WNK2: variants seen among roughly 807,000 people sequenced by gnomAD.
The protein encoded by WNK2 is WNK lysine deficient protein kinase 2.
WNK2 carries 67 observed loss-of-function variants against 192.1 expected under a neutral mutation model. The observed-to-expected ratio is 0.35, with a 90% CI of 0.29 to 0.43. The LOEUF (loss-of-function observed/expected upper bound fraction) is 0.43, where lower values mean the gene tolerates loss of function less well. WNK2 is among the 20% of genes least tolerant of loss of function. The pLI is 1.00. For synonymous variants in WNK2, 1,439 were observed against 1,393.9 expected, an observed-to-expected ratio of 1.03 and a Z score of -0.72; for missense variants, 2,698 against 3,089.7, an observed-to-expected ratio of 0.87 and a Z score of 3.01.
chr9:93,240,117 G>A (rs1840502181), intron 7 of WNK2, 141 bp downstream of exon 7: 1 of 909,626 alleles, frequency 1.1e-6, no homozygotes. Context: ...CATCCAGGCA[G>A]GTGTGGGCAG....
chr9:93,196,822 G>A (rs978203149), intron 2 of WNK2, among the ~76,000 whole-genome samples: 15 of 152,174 alleles, frequency 9.9e-5, no homozygotes, highest in African/African-American at 3.4e-4. Flanking sequence ...GAGCGTGCCT[G>A]CTGTGTCTGT....
intron 12 of WNK2, among the ~76,000 whole-genome samples, chr9:93,260,649 C>T (rs1844074850): frequency 6.6e-6 from 1 of 152,198 alleles, no homozygotes; most frequent in African/African-American, 2.4e-5. Context: ...TCACTTCTTG[C>T]TGTCTTATCT....
chr9:93,295,999 TCCCTCTCCATTCTC>T (rs1850275748), intron 23 of WNK2, among the ~76,000 whole-genome samples: 2 of 44,296 alleles, frequency 4.5e-5, no homozygotes, highest in East Asian at 8.2e-4. Flanking sequence ...TCACCTTCCT[TCCCTCTCCATTCTC>T]CCCTCACCTT....
At chr9:93,285,478 G>T (rs554519429) in intron 19 of WNK2, among the ~76,000 whole-genome samples, 1 of 152,068 alleles carries the variant, frequency 6.6e-6, no homozygotes, top group Non-Finnish European at 1.5e-5. Flanking sequence ...TCAATTTATA[G>T]TAACACAAAA....
chr9:93,211,293 C>CACTCGCACATTTACTCAT (rs1834633686), intron 2 of WNK2, among the ~76,000 whole-genome samples: 1 of 130,292 alleles, frequency 7.7e-6, no homozygotes, highest in Non-Finnish European at 1.7e-5. Context: ...CACTCATACA[C>CACTCGCACATTTACTCAT]TCAGTCACTC....
chr9:93,205,801 C>T (rs1348968715), intron 2 of WNK2, among the ~76,000 whole-genome samples: 2 of 152,156 alleles, frequency 1.3e-5, no homozygotes, highest in Non-Finnish European at 2.9e-5. Flanking sequence ...CCCTTGAGTG[C>T]AGGGTCCTCC....
chr9:93,262,152 G>A lies in WNK2; in HGVS notation c.3360+45G>A, dbSNP rs148751259. 185 of 1,529,494 alleles carry A rather than the reference G, an allele frequency of 1.2e-4. 1 individual carries two copies. In the African/African-American group the frequency reaches 2.3e-3, roughly 19 times the overall value. The allele number at this position is 1,529,494 out of a possible 1,614,324, so 94.7% of individuals were successfully genotyped here. ...GCCTGTCCCATGACTGGGCAGTTGCGGCCACCGGGGATCTGCATAGTGACC... is the reference window on the plus strand; with the variant it reads ...GCCTGTCCCATGACTGGGCAGTTGCAGCCACCGGGGATCTGCATAGTGACC... On this transcript the variant is annotated intron_variant, in intron 13 of 29. Transcript: ENST00000427277.
intron 26 of WNK2, among the ~76,000 whole-genome samples, chr9:93,305,586 A>C (rs1852372426): frequency 6.6e-6 from 1 of 152,218 alleles, no homozygotes; most frequent in Non-Finnish European, 1.5e-5. Flanking sequence ...GACAGAATGG[A>C]CTAAAAATAG....
chr9:93,303,020 G>A (rs540788608), intron 26 of WNK2, among the ~76,000 whole-genome samples: 1 of 152,172 alleles, frequency 6.6e-6, no homozygotes, highest in South Asian at 2.1e-4. Context: ...CCTGACTCAA[G>A]CAATCTTCCC....
Position 93,320,485 on chromosome 9 carries a change from T to C in WNK2, c.*93T>C, listed in dbSNP as rs1855315537. ...TGCTCCTCCTGTCCAGTTCACGCTG[T>C]TTTGTAACCACTTTCTAAGCATTTT... On this transcript the variant is annotated 3_prime_UTR_variant, in exon 30 of 30. Coordinates refer to ENST00000427277, the MANE Select transcript of WNK2 (RefSeq NM_006648.4). 7.9e-7 allele frequency: 1 copy of C among 1,263,398 alleles called. No homozygotes were observed. Among genetic ancestry groups the C allele is most frequent in the Admixed American group, 2.0e-5 (1 of 48,902 alleles). 78.3% of individuals were successfully genotyped at this position (1,263,398 alleles called of 1,614,324 possible).
intron 21 of WNK2, 130 bp downstream of exon 21, chr9:93,290,177 C>T: frequency 1.3e-6 from 1 of 784,552 alleles, no homozygotes; most frequent in East Asian, 2.7e-5. Flanking sequence ...ATCCTTTTAT[C>T]TGTAAGGGAT....
intron 2 of WNK2, among the ~76,000 whole-genome samples, chr9:93,200,472 G>A (rs2211535): frequency 0.58 from 88,051 of 152,144 alleles, 26,136 homozygotes; most frequent in Non-Finnish European, 0.65. Context: ...TGGCTGGACA[G>A]TGATGGCCTG....
chr9:93,245,293 A>G lies in WNK2; in HGVS notation c.1543-2250A>G, dbSNP rs149161049. Among the ~76,000 whole-genome samples the G allele has an allele frequency of 4.1e-3, 620 of 152,282 alleles. 4 individuals carry two copies. The highest frequency in any genetic ancestry group is 0.014 in the African/African-American group (585 of 41,554). Reference sequence around the variant, plus strand: ...AGGGCACTTTCTTGCATCCGGAAATACCGTCAATCCTCAGGCCCATCCTCC... The same window carrying G: ...AGGGCACTTTCTTGCATCCGGAAATGCCGTCAATCCTCAGGCCCATCCTCC... On this transcript the variant is annotated intron_variant, in intron 7 of 29. Coordinates refer to ENST00000427277, the MANE Select transcript of WNK2 (RefSeq NM_006648.4).
At chr9:93,277,641 T>C (rs1024503017) in intron 19 of WNK2, among the ~76,000 whole-genome samples, 3 of 152,146 alleles carry the variant, frequency 2.0e-5, no homozygotes, top group Non-Finnish European at 4.4e-5. Flanking sequence ...AATGCTAAAC[T>C]ATAATGATAA....
intron 2 of WNK2, among the ~76,000 whole-genome samples, 171 bp downstream of exon 2, chr9:93,185,781 C>T (rs746777140): frequency 3.3e-5 from 5 of 152,182 alleles, no homozygotes; most frequent in Admixed American, 2.6e-4. Flanking sequence ...GGTGTGCGGA[C>T]GGCATGTGGG....
chr9:93,188,576 A>G (rs1829766399), intron 2 of WNK2, among the ~76,000 whole-genome samples: 1 of 152,194 alleles, frequency 6.6e-6, no homozygotes, highest in Admixed American at 6.5e-5. Flanking sequence ...AGAACACATT[A>G]TGGTAACAAG....
intron 19 of WNK2, among the ~76,000 whole-genome samples, chr9:93,280,368 G>C (rs1847548042): frequency 6.6e-6 from 1 of 152,200 alleles, no homozygotes; most frequent in Non-Finnish European, 1.5e-5. Flanking sequence ...AACAGATCAT[G>C]TGTTGGCGAG....
At chr9:93,299,381 G>A in intron 25 of WNK2, 120 bp downstream of exon 25, 2 of 1,052,516 alleles carry the variant, frequency 1.9e-6, no homozygotes, top group Non-Finnish European at 1.3e-6. Flanking sequence ...GCTGTTGAGA[G>A]GCTTCTTTTA....
At chr9:93,318,702 C>G in intron 29 of WNK2, 1 of 1,465,032 alleles carries the variant, frequency 6.8e-7, no homozygotes, top group South Asian at 1.4e-5. Context: ...ACCTGTGGCT[C>G]TGCTCACCCC....
Sources: allele counts gnomAD v4.1 joint callset (sites outside exome capture counted in the v4.1 genomes callset), GRCh38; gene constraint gnomAD v4.1.1; transcripts MANE v1.5; gene names NCBI Gene and HGNC (gene_info 2026-07-23, HGNC 2026-07-21).